Variants in HS3ST4 observed in about 807,000 individuals in gnomAD.
HS3ST4 encodes the protein heparan sulfate glucosamine 3-O-sulfotransferase 4.
Under a neutral mutation model 29.2 loss-of-function variants are expected in HS3ST4, and 17 were observed. The observed-to-expected ratio is 0.58, with a 90% CI of 0.40 to 0.87. HS3ST4 has a LOEUF of 0.87. Ranked by LOEUF, HS3ST4 falls within the 40% of genes least tolerant of loss-of-function variation. HS3ST4 has a pLI of 0.00. For missense variants in HS3ST4, 627 were observed against 634.5 expected (o/e 0.99, Z 0.13); for synonymous variants, 314 against 285.7 (o/e 1.10, Z -1.00).
chr16:26,012,072 C>G (rs1196060043), intron 1 of HS3ST4, among the ~76,000 whole-genome samples: 1 of 152,154 alleles, frequency 6.6e-6, no homozygotes, highest in Non-Finnish European at 1.5e-5. Flanking sequence ...AGGCAATATG[C>G]ACAAATTCCA....
At chr16:25,837,626 C>T (rs1159809481) in intron 1 of HS3ST4, among the ~76,000 whole-genome samples, 4 of 151,812 alleles carry the variant, frequency 2.6e-5, no homozygotes, top group African/African-American at 7.3e-5. Context: ...CTTTGTAAGG[C>T]GCATGTTAGG....
chr16:25,720,679 A>G (rs1237605671), intron 1 of HS3ST4, among the ~76,000 whole-genome samples: 1 of 152,252 alleles, frequency 6.6e-6, no homozygotes, highest in East Asian at 1.9e-4. Context: ...TCACCACACT[A>G]AAATACAGTG....
chr16:26,025,386 C>G (rs1567296268), intron 1 of HS3ST4: 1 of 154,380 alleles, frequency 6.5e-6, no homozygotes, highest in Non-Finnish European at 1.5e-5. Flanking sequence ...GGTCTCACAT[C>G]TGATATCCAA....
At chr16:25,703,162 AAAAC>A (rs898537424) in intron 1 of HS3ST4, among the ~76,000 whole-genome samples, 3 of 152,108 alleles carry the variant, frequency 2.0e-5, no homozygotes, top group Non-Finnish European at 2.9e-5. Flanking sequence ...AGTCTGTCTC[AAAAC>A]AAACAAACAA....
intron 1 of HS3ST4, among the ~76,000 whole-genome samples, chr16:25,872,797 G>A (rs1321141436): frequency 6.6e-6 from 1 of 152,168 alleles, no homozygotes; most frequent in Admixed American, 6.5e-5. Flanking sequence ...ATATGTTAAA[G>A]GATGCATCTA....
intron 1 of HS3ST4, among the ~76,000 whole-genome samples, chr16:25,884,139 C>T (rs939915958): frequency 3.3e-5 from 5 of 151,930 alleles, no homozygotes; most frequent in African/African-American, 1.2e-4. Context: ...AGAATCCAAC[C>T]TAGTTCAGAG....
intron 1 of HS3ST4, among the ~76,000 whole-genome samples, chr16:25,828,604 G>A (rs1293626338): frequency 6.6e-6 from 1 of 151,958 alleles, no homozygotes; most frequent in African/African-American, 2.4e-5. Context: ...GGCTCCCAAA[G>A]TGCTGGGATT....
chr16:25,989,804 A>G (rs1436023491), intron 1 of HS3ST4, among the ~76,000 whole-genome samples: 1 of 152,178 alleles, frequency 6.6e-6, no homozygotes, highest in Admixed American at 6.5e-5. Context: ...CACATAAGAG[A>G]GCAGTTTGCA....
intron 1 of HS3ST4, among the ~76,000 whole-genome samples, chr16:25,807,270 G>A (rs1052319234): frequency 2.0e-4 from 31 of 152,234 alleles, no homozygotes; most frequent in Admixed American, 1.8e-3. Context: ...CACCACGCCC[G>A]GCCTCTGGTT....
At chr16:25,745,638 T>C (rs907025356) in intron 1 of HS3ST4, among the ~76,000 whole-genome samples, 2 of 152,190 alleles carry the variant, frequency 1.3e-5, no homozygotes, top group African/African-American at 2.4e-5. Context: ...ATAAAACATT[T>C]GTATCACCCA....
intron 1 of HS3ST4, among the ~76,000 whole-genome samples, chr16:26,132,830 C>G (rs1287710188): frequency 6.6e-6 from 1 of 151,914 alleles, no homozygotes; most frequent in African/African-American, 2.4e-5. Flanking sequence ...TGGAAAAGGC[C>G]GTATAAAAAT....
intron 1 of HS3ST4, among the ~76,000 whole-genome samples, chr16:26,030,945 A>G (rs951009056): frequency 7.2e-5 from 11 of 152,218 alleles, no homozygotes; most frequent in Admixed American, 2.0e-4. Flanking sequence ...TGCCTGCTTT[A>G]TTCACTGCTG....
At chr16:25,841,000 T>G (rs925482671) in intron 1 of HS3ST4, among the ~76,000 whole-genome samples, 2 of 144,806 alleles carry the variant, frequency 1.4e-5, no homozygotes, top group Non-Finnish European at 3.1e-5. Flanking sequence ...ATTTATTTAT[T>G]TATTTATTTA....
intron 1 of HS3ST4, among the ~76,000 whole-genome samples, chr16:25,744,405 G>A (rs1283894470): frequency 6.6e-6 from 1 of 152,214 alleles, no homozygotes; most frequent in South Asian, 2.1e-4. Flanking sequence ...TTAATAAGCT[G>A]CAGGTATGAG....
intron 1 of HS3ST4, among the ~76,000 whole-genome samples, chr16:25,720,662 AG>A (rs1292559661): frequency 4.6e-5 from 7 of 152,246 alleles, no homozygotes; most frequent in Non-Finnish European, 1.0e-4. Flanking sequence ...TGCTTGCACC[AG>A]TCACATCACC....
At chr16:25,744,618 C>T (rs1966674504) in intron 1 of HS3ST4, among the ~76,000 whole-genome samples, 1 of 152,090 alleles carries the variant, frequency 6.6e-6, no homozygotes, top group Non-Finnish European at 1.5e-5. Flanking sequence ...GGACTCCAGC[C>T]ACTGCATTTA....
chr16:25,851,601 C>A (rs1967522629), intron 1 of HS3ST4, among the ~76,000 whole-genome samples: 1 of 152,138 alleles, frequency 6.6e-6, no homozygotes, highest in African/African-American at 2.4e-5. Context: ...ACTCAGCATT[C>A]TTTGGAAAGA....
chr16:25,699,577 T>A (rs1488418253), intron 1 of HS3ST4, among the ~76,000 whole-genome samples: 4 of 152,192 alleles, frequency 2.6e-5, no homozygotes, highest in Admixed American at 6.5e-5. Flanking sequence ...CACATACTAG[T>A]TTTATTGGAC....
At chr16:25,957,086 G>A (rs1476084344) in intron 1 of HS3ST4, among the ~76,000 whole-genome samples, 2 of 151,904 alleles carry the variant, frequency 1.3e-5, no homozygotes, top group Non-Finnish European at 2.9e-5. Context: ...TCAGTGGAGA[G>A]ACGATCAGAG....
Sources: gnomAD v4.1 joint callset for allele counts (sites outside exome capture counted in the v4.1 genomes callset) on GRCh38, gnomAD v4.1.1 for gene constraint, MANE v1.5 for transcripts, NCBI Gene and HGNC (gene_info 2026-07-23, HGNC 2026-07-21) for gene names.